The following PTPRN2 variants were observed in gnomAD, a reference collection of about 807,000 sequenced individuals.
PTPRN2 encodes the protein protein tyrosine phosphatase receptor type N2, also known as receptor-type tyrosine-protein phosphatase N2.
A neutral mutation model predicts 118.8 loss-of-function variants in PTPRN2; 74 were observed. That is an observed-to-expected ratio of 0.62 (90% CI 0.52 to 0.76). The LOEUF is 0.76. PTPRN2 is among the 30% of genes least tolerant of loss of function. The probability of loss-of-function intolerance (pLI) is 0.00; values close to 1 mark genes in which losing one functional copy is unlikely to be tolerated. For synonymous variants in PTPRN2, 641 were observed against 608.0 expected (o/e 1.05, Z -0.80); for missense variants, 1,481 against 1,394.4 (o/e 1.06, Z -0.99).
intron 9 of PTPRN2, among the ~76,000 whole-genome samples, chr7:158,112,486 C>T (rs1156521992): frequency 1.3e-5 from 2 of 152,162 alleles, no homozygotes; most frequent in African/African-American, 4.8e-5. Context: ...CCTGAGCTGG[C>T]CACCACGGCT....
intron 11 of PTPRN2, among the ~76,000 whole-genome samples, chr7:158,046,587 GCCCAGCTGGTTTCTAAGAATGCA>G (rs1554520498): frequency 6.6e-6 from 1 of 152,218 alleles, no homozygotes; most frequent in Non-Finnish European, 1.5e-5. Context: ...ATGACCTGAG[GCCCAGCTGGTTTCTAAGAATGCA>G]CTGTTATGCA....
At chr7:158,582,196 T>C (rs1237654788) in intron 1 of PTPRN2, among the ~76,000 whole-genome samples, 4 of 152,266 alleles carry the variant, frequency 2.6e-5, no homozygotes, top group Admixed American at 6.5e-5. Context: ...TTTATGAAGG[T>C]CAACTTAAAC....
chr7:157,926,318 G>GGTCC (rs1798990877), intron 11 of PTPRN2, among the ~76,000 whole-genome samples: 1 of 151,906 alleles, frequency 6.6e-6, no homozygotes, highest in African/African-American at 2.4e-5. Flanking sequence ...GTACACTGAG[G>GGTCC]GTCCATGCGT....
intron 3 of PTPRN2, among the ~76,000 whole-genome samples, chr7:158,294,857 T>C (rs1800361438): frequency 7.0e-6 from 1 of 143,272 alleles, no homozygotes; most frequent in Non-Finnish European, 1.5e-5. Context: ...TTCACCTGCC[T>C]TTCTGAGGGT....
intron 2 of PTPRN2, among the ~76,000 whole-genome samples, chr7:158,401,605 G>A (rs1445517551): frequency 2.6e-5 from 4 of 152,240 alleles, no homozygotes; most frequent in Non-Finnish European, 4.4e-5. Context: ...GTGAAGAGCT[G>A]TTACCATAAG....
intron 4 of PTPRN2, among the ~76,000 whole-genome samples, chr7:158,195,814 G>T (rs918472129): frequency 2.6e-5 from 4 of 151,976 alleles, no homozygotes; most frequent in African/African-American, 9.7e-5. Context: ...GCATTTTCCT[G>T]CTCCTTTTCA....
intron 6 of PTPRN2, among the ~76,000 whole-genome samples, chr7:158,150,426 T>G (rs766705881): frequency 6.6e-6 from 1 of 152,284 alleles, no homozygotes; most frequent in East Asian, 1.9e-4. Flanking sequence ...GCTCGAAAAG[T>G]GGCAGCTCTG....
intron 11 of PTPRN2, among the ~76,000 whole-genome samples, chr7:157,952,103 C>A (rs1800850610): frequency 6.6e-6 from 1 of 152,220 alleles, no homozygotes; most frequent in African/African-American, 2.4e-5. Context: ...TGCGGGGAGG[C>A]CAGGCTCACC....
intron 2 of PTPRN2, among the ~76,000 whole-genome samples, chr7:158,333,412 AC>A (rs1249990274): frequency 9.3e-4 from 136 of 146,038 alleles, no homozygotes; most frequent in African/African-American, 2.2e-3. Flanking sequence ...CGTCACTCAC[AC>A]CCACACTGTC....
intron 12 of PTPRN2, among the ~76,000 whole-genome samples, chr7:157,818,537 C>T (rs1806585106): frequency 6.6e-6 from 1 of 152,034 alleles, no homozygotes; most frequent in Non-Finnish European, 1.5e-5. Flanking sequence ...TGGCCTGAGC[C>T]AAGGAGTTCA....
intron 2 of PTPRN2, among the ~76,000 whole-genome samples, chr7:158,411,301 G>A (rs993873263): frequency 3.9e-5 from 6 of 152,130 alleles, no homozygotes; most frequent in African/African-American, 1.2e-4. Context: ...ACAGCTTTCC[G>A]GCCACCTTGA....
At chr7:157,924,542 C>G (rs1467152951) in intron 11 of PTPRN2, among the ~76,000 whole-genome samples, 2 of 152,236 alleles carry the variant, frequency 1.3e-5, no homozygotes, top group Non-Finnish European at 2.9e-5. Flanking sequence ...AGAGCTGGTT[C>G]CTGACCTCTG....
chr7:158,564,057 C>A (rs187373419), intron 1 of PTPRN2, among the ~76,000 whole-genome samples: 2 of 152,114 alleles, frequency 1.3e-5, no homozygotes, highest in Non-Finnish European at 2.9e-5. Context: ...GCAGCACTTG[C>A]GGGGGGCACA....
At chr7:157,707,462 C>T (rs369754859) in intron 12 of PTPRN2, among the ~76,000 whole-genome samples, 20 of 152,334 alleles carry the variant, frequency 1.3e-4, no homozygotes, top group Middle Eastern at 3.4e-3. Context: ...AGTTAACATA[C>T]GTGCCCGCTA....
At chr7:158,331,556 G>A (rs61678800) in intron 2 of PTPRN2, among the ~76,000 whole-genome samples, 606 of 131,108 alleles carry the variant, frequency 4.6e-3, no homozygotes, top group African/African-American at 0.018. Flanking sequence ...GCTGACACCC[G>A]CAGACGTCAC....
intron 12 of PTPRN2, among the ~76,000 whole-genome samples, chr7:157,693,688 C>T (rs1020815550): frequency 3.9e-5 from 6 of 152,150 alleles, no homozygotes; most frequent in Middle Eastern, 3.2e-3. Flanking sequence ...AGCTCCCGGC[C>T]AGGCCGGCTC....
intron 1 of PTPRN2, among the ~76,000 whole-genome samples, chr7:158,496,070 C>T (rs969004306): frequency 6.6e-6 from 1 of 151,910 alleles, no homozygotes; most frequent in African/African-American, 2.4e-5. Context: ...CTCAGCCCCT[C>T]TGCTGAGAGC....
intron 6 of PTPRN2, among the ~76,000 whole-genome samples, chr7:158,142,634 C>A (rs1819497075): frequency 6.6e-6 from 1 of 152,202 alleles, no homozygotes; most frequent in Admixed American, 6.5e-5. Context: ...CCCCCAGGGC[C>A]CACCAACCCC....
intron 1 of PTPRN2, 98 bp from the exon 2 acceptor site, chr7:158,489,883 C>T: frequency 2.5e-6 from 3 of 1,186,026 alleles, no homozygotes; most frequent in South Asian, 1.4e-5. Context: ...TCAGAGAAAC[C>T]GCCGGTCAAG....
Sources: gnomAD v4.1 joint callset for allele counts (sites outside exome capture counted in the v4.1 genomes callset) on GRCh38, gnomAD v4.1.1 for gene constraint, MANE v1.5 for transcripts, NCBI Gene and HGNC (gene_info 2026-07-23, HGNC 2026-07-21) for gene names.